The following CATSPERT variants were observed in gnomAD, a reference collection of about 807,000 sequenced individuals.
CATSPERT encodes catsper channel auxiliary subunit tau, also known as cation channel sperm-associated targeting subunit tau.
the CATSPERT span, among the ~76,000 whole-genome samples, chr2:201,559,216 T>C: frequency 6.6e-6 from 1 of 152,298 alleles, no homozygotes; most frequent in East Asian, 1.9e-4. Context: ...AGGCTGCCCC[T>C]GACAGGCATG....
At chr2:201,572,641 G>A in the CATSPERT span, among the ~76,000 whole-genome samples, 2 of 151,894 alleles carry the variant, frequency 1.3e-5, no homozygotes, top group African/African-American at 2.4e-5. Flanking sequence ...ACCTACCTCC[G>A]GAGTTGGTGC....
the CATSPERT span, among the ~76,000 whole-genome samples, chr2:201,617,807 C>T: frequency 6.6e-6 from 1 of 152,086 alleles, no homozygotes; most frequent in Non-Finnish European, 1.5e-5. Context: ...GCAATCTATC[C>T]ATCTGACAAA....
At chr2:201,538,748 C>A in the CATSPERT span, among the ~76,000 whole-genome samples, 1 of 152,006 alleles carries the variant, frequency 6.6e-6, no homozygotes, top group Admixed American at 6.6e-5. Context: ...GTTTGTTGGA[C>A]AGATTATTTC....
At chr2:201,491,339 C>G in the CATSPERT span, 1 of 1,537,518 alleles carries the variant, frequency 6.5e-7, no homozygotes, top group African/African-American at 1.4e-5. Flanking sequence ...TTTAGATCTT[C>G]TATCTTAAAT....
the CATSPERT span, among the ~76,000 whole-genome samples, chr2:201,591,903 T>C: frequency 2.0e-5 from 3 of 152,040 alleles, no homozygotes; most frequent in East Asian, 5.8e-4. Context: ...AATGGGGTTT[T>C]CTAGATATAC....
At chr2:201,494,818 AT>A in the CATSPERT span, 1 of 1,422,302 alleles carries the variant, frequency 7.0e-7, no homozygotes, top group African/African-American at 1.4e-5. Context: ...TTTATCATAT[AT>A]TTTCTAGTTA....
the CATSPERT span, among the ~76,000 whole-genome samples, chr2:201,544,743 G>A: frequency 2.0e-5 from 3 of 151,090 alleles, no homozygotes; most frequent in South Asian, 2.1e-4. Context: ...TCAGCACTTC[G>A]GGAAGCCAAG....
chr2:201,560,710 T>C, the CATSPERT span, among the ~76,000 whole-genome samples: 1 of 151,712 alleles, frequency 6.6e-6, no homozygotes, highest in Non-Finnish European at 1.5e-5. Flanking sequence ...TCAAACAACC[T>C]GAACAAACTT....
chr2:201,614,900 G>T, the CATSPERT span, among the ~76,000 whole-genome samples: 3 of 152,008 alleles, frequency 2.0e-5, no homozygotes, highest in Non-Finnish European at 2.9e-5. Context: ...AAAAAGCAGG[G>T]GTTGCAATGC....
chr2:201,597,671 C>CT, the CATSPERT span, among the ~76,000 whole-genome samples: 1 of 152,160 alleles, frequency 6.6e-6, no homozygotes, highest in African/African-American at 2.4e-5. Context: ...CCTCCTTCCA[C>CT]TTTCCATTGT....
the CATSPERT span, among the ~76,000 whole-genome samples, chr2:201,596,808 C>T: frequency 6.6e-6 from 1 of 152,202 alleles, no homozygotes; most frequent in East Asian, 1.9e-4. Context: ...TTTTTTAGAT[C>T]TAGAATTTTT....
the CATSPERT span, among the ~76,000 whole-genome samples, chr2:201,607,537 T>G: frequency 6.6e-6 from 1 of 151,998 alleles, no homozygotes; most frequent in Non-Finnish European, 1.5e-5. Flanking sequence ...CACATGCCTG[T>G]GGGCTGAGGT....
At chr2:201,592,258 G>T in the CATSPERT span, among the ~76,000 whole-genome samples, 2 of 150,004 alleles carry the variant, frequency 1.3e-5, no homozygotes, top group Admixed American at 6.7e-5. Flanking sequence ...TTTGTCTTTG[G>T]TTCTGTTTAT....
chr2:201,563,187 G>GA, the CATSPERT span, among the ~76,000 whole-genome samples: 1 of 75,468 alleles, frequency 1.3e-5, no homozygotes, highest in Non-Finnish European at 2.8e-5. Flanking sequence ...CTGGCCGGGC[G>GA]GGGGCTGACC....
the CATSPERT span, among the ~76,000 whole-genome samples, chr2:201,578,926 T>C: frequency 2.0e-5 from 3 of 152,184 alleles, no homozygotes; most frequent in South Asian, 6.2e-4. Context: ...CTTACACTTA[T>C]TCATTACTCC....
chr2:201,572,453 T>C, the CATSPERT span, among the ~76,000 whole-genome samples: 1 of 152,186 alleles, frequency 6.6e-6, no homozygotes, highest in Non-Finnish European at 1.5e-5. Context: ...AGACATAAAA[T>C]CAAGTTTTTA....
the CATSPERT span, chr2:201,491,063 G>T: frequency 4.1e-6 from 4 of 964,168 alleles, no homozygotes; most frequent in African/African-American, 6.6e-5. Flanking sequence ...TATGTCTTGG[G>T]GGTAATTAAG....
chr2:201,536,005 T>A, the CATSPERT span: 1 of 1,612,478 alleles, frequency 6.2e-7, no homozygotes, highest in East Asian at 2.2e-5. Context: ...TTTATACAGA[T>A]ACTCCTCAAA....
At chr2:201,518,818 G>T in the CATSPERT span, among the ~76,000 whole-genome samples, 20 of 152,064 alleles carry the variant, frequency 1.3e-4, no homozygotes, top group African/African-American at 4.6e-4. Flanking sequence ...CTGCCTTTAG[G>T]TCCTTAATGA....
Sources: allele counts gnomAD v4.1 joint callset (sites outside exome capture counted in the v4.1 genomes callset), GRCh38; gene constraint gnomAD v4.1.1; transcripts MANE v1.5; gene names NCBI Gene and HGNC (gene_info 2026-07-23, HGNC 2026-07-21).